Variants in GRM8 observed in about 807,000 individuals in gnomAD.
The protein encoded by GRM8 is glutamate metabotropic receptor 8, also known as metabotropic glutamate receptor 8.
Under a neutral mutation model 87.2 loss-of-function variants are expected in GRM8, and 47 were observed. The ratio of observed to expected loss-of-function variants is 0.54; its 90% CI spans 0.43 to 0.69. GRM8 has a LOEUF of 0.69. Ranked by LOEUF, GRM8 falls within the 30% of genes least tolerant of loss-of-function variation. The probability of loss-of-function intolerance (pLI) is 0.00; values close to 1 mark genes in which losing one functional copy is unlikely to be tolerated. For synonymous variants in GRM8, 396 were observed against 404.5 expected (o/e 0.98, Z 0.25); for missense variants, 1,019 against 1,139.2 (o/e 0.89, Z 1.52).
chr7:126,641,501 C>G (rs1802379043), intron 7 of GRM8, among the ~76,000 whole-genome samples: 2 of 152,062 alleles, frequency 1.3e-5, no homozygotes, highest in Admixed American at 1.3e-4. Context: ...CAGAGTGGCC[C>G]TTGGGGGAGA....
At chr7:127,226,130 A>G (rs1326007592) in intron 2 of GRM8, among the ~76,000 whole-genome samples, 4 of 152,192 alleles carry the variant, frequency 2.6e-5, no homozygotes, top group Non-Finnish European at 5.9e-5. Context: ...TACAATAGGA[A>G]AAAAGGAGCT....
chr7:127,015,307 A>G (rs983675145), intron 3 of GRM8, among the ~76,000 whole-genome samples: 9 of 151,950 alleles, frequency 5.9e-5, no homozygotes, highest in African/African-American at 2.2e-4. Context: ...CCAAAGAAGA[A>G]AGAGGAAGAG....
intron 9 of GRM8, among the ~76,000 whole-genome samples, chr7:126,497,301 C>G (rs1808908712): frequency 6.6e-6 from 1 of 151,902 alleles, no homozygotes; most frequent in Non-Finnish European, 1.5e-5. Flanking sequence ...TCTTAAAAGC[C>G]TTAAAAACTA....
At chr7:126,893,862 AC>A (rs1801295019) in intron 6 of GRM8, among the ~76,000 whole-genome samples, 1 of 151,918 alleles carries the variant, frequency 6.6e-6, no homozygotes, top group African/African-American at 2.4e-5. Flanking sequence ...CTCTAATCAC[AC>A]TTTATGTCTC....
chr7:126,772,399 T>G (rs897349809), intron 6 of GRM8, among the ~76,000 whole-genome samples: 3 of 151,988 alleles, frequency 2.0e-5, no homozygotes, highest in Non-Finnish European at 4.4e-5. Context: ...GACAGTGAGG[T>G]TCAGGGCAGT....
intron 9 of GRM8, among the ~76,000 whole-genome samples, chr7:126,508,749 G>T (rs1410069410): frequency 6.6e-6 from 1 of 151,968 alleles, no homozygotes; most frequent in African/African-American, 2.4e-5. Flanking sequence ...AGGAAAACTG[G>T]GTTGCCTCTC....
chr7:126,609,815 A>T (rs780996880), intron 7 of GRM8, among the ~76,000 whole-genome samples: 1 of 152,266 alleles, frequency 6.6e-6, no homozygotes, highest in Non-Finnish European at 1.5e-5. Flanking sequence ...GCTACATAGT[A>T]TGATAGTTAA....
chr7:127,054,957 A>C (rs1819840950), intron 3 of GRM8, among the ~76,000 whole-genome samples: 2 of 152,194 alleles, frequency 1.3e-5, no homozygotes, highest in African/African-American at 4.8e-5. Context: ...TTGGTTGGCA[A>C]TAAATTCAAT....
chr7:127,134,635 A>T (rs1324979693), intron 2 of GRM8, among the ~76,000 whole-genome samples: 1 of 152,216 alleles, frequency 6.6e-6, no homozygotes, highest in African/African-American at 2.4e-5. Context: ...TTAAAATGCA[A>T]CATTGTTCAT....
At chr7:127,040,274 C>G (rs1460751598) in intron 3 of GRM8, among the ~76,000 whole-genome samples, 1 of 152,096 alleles carries the variant, frequency 6.6e-6, no homozygotes, top group Non-Finnish European at 1.5e-5. Context: ...GGTTTCAGAG[C>G]AGAGCTGTTG....
chr7:127,054,679 T>C (rs2132522678), intron 3 of GRM8, among the ~76,000 whole-genome samples: 1 of 152,292 alleles, frequency 6.6e-6, no homozygotes, highest in African/African-American at 2.4e-5. Flanking sequence ...AGCCACAGGA[T>C]TCTGTTCTGG....
intron 6 of GRM8, among the ~76,000 whole-genome samples, chr7:126,900,428 C>T (rs1336355497): frequency 6.6e-6 from 1 of 152,198 alleles, no homozygotes; most frequent in Non-Finnish European, 1.5e-5. Context: ...CACTATGTAG[C>T]GTTAGATAAA....
rs561526469 is a variant in GRM8, at chr7:126,542,354, C to A, written c.1495-8467G>T. 2.0e-5 allele frequency among the ~76,000 whole-genome samples: 3 copies of A among 152,286 alleles called. No individual in the cohort carries two copies. In the East Asian group the frequency reaches 5.8e-4, roughly 29 times the overall value. On this transcript the variant is annotated intron_variant, in intron 8 of 10. Coordinates refer to ENST00000339582, the MANE Select transcript of GRM8 (RefSeq NM_000845.3). The stretch of plus-strand genomic sequence containing the variant: ...AAAGGAATAAAACAGTTTCTTCTTT[C>A]ATAGAATCACAGTCCAGGGAACAGA...
chr7:127,202,322 C>T (rs181986394), intron 2 of GRM8, among the ~76,000 whole-genome samples: 4 of 152,216 alleles, frequency 2.6e-5, no homozygotes, highest in East Asian at 1.9e-4. Flanking sequence ...GGATTACCTG[C>T]GTGTGCCACC....
chr7:126,449,498 G>A (rs184450585), intron 9 of GRM8, among the ~76,000 whole-genome samples: 158 of 151,960 alleles, frequency 1.0e-3, no homozygotes, highest in African/African-American at 3.7e-3. Flanking sequence ...CCTCCCAGGA[G>A]TATAGGACAA....
chr7:126,625,088 T>C (rs1182558995), intron 7 of GRM8, among the ~76,000 whole-genome samples: 2 of 152,212 alleles, frequency 1.3e-5, no homozygotes, highest in Admixed American at 6.5e-5. Flanking sequence ...AGTTATTAAA[T>C]GAATAAGTGA....
At chr7:126,484,199 C>T (rs920681724) in intron 9 of GRM8, among the ~76,000 whole-genome samples, 19 of 152,072 alleles carry the variant, frequency 1.2e-4, no homozygotes, top group African/African-American at 4.6e-4. Flanking sequence ...AATTAAGTTA[C>T]TCTGTCATAC....
chr7:127,065,773 G>A (rs1451044502), intron 3 of GRM8, among the ~76,000 whole-genome samples: 1 of 152,154 alleles, frequency 6.6e-6, no homozygotes, highest in Non-Finnish European at 1.5e-5. Flanking sequence ...GTCTGGGACA[G>A]AGATGGTGGG....
At chr7:126,752,008 C>T (rs937678755) in intron 7 of GRM8, among the ~76,000 whole-genome samples, 3 of 152,074 alleles carry the variant, frequency 2.0e-5, no homozygotes, top group Admixed American at 6.6e-5. Context: ...CACCCAGCAG[C>T]AAAGAGTTAA....
Sources: gnomAD v4.1 joint callset for allele counts (sites outside exome capture counted in the v4.1 genomes callset) on GRCh38, gnomAD v4.1.1 for gene constraint, MANE v1.5 for transcripts, NCBI Gene and HGNC (gene_info 2026-07-23, HGNC 2026-07-21) for gene names.